NCAM2: variants seen among roughly 807,000 people sequenced by gnomAD.
The protein encoded by NCAM2 is neural cell adhesion molecule 2.
NCAM2 carries 30 observed loss-of-function variants against 98.1 expected under a neutral mutation model. The ratio of observed to expected loss-of-function variants is 0.31; its 90% CI spans 0.23 to 0.41. The LOEUF is 0.41. Among genes scored for constraint, NCAM2 ranks in the 10% least tolerant of loss-of-function variants. The pLI is 1.00. For missense variants in NCAM2, 867 were observed against 1,005.8 expected, an observed-to-expected ratio of 0.86 and a Z score of 1.87; for synonymous variants, 368 against 342.4, an observed-to-expected ratio of 1.07 and a Z score of -0.83.
intron 1 of NCAM2, among the ~76,000 whole-genome samples, chr21:21,035,552 G>T (rs902494277): frequency 2.6e-5 from 4 of 152,026 alleles, no homozygotes; most frequent in African/African-American, 9.7e-5. Context: ...CATTAGTTTA[G>T]TGCTGTGTAA....
intron 4 of NCAM2, 43 bp downstream of exon 4, chr21:21,286,455 A>T: frequency 6.5e-7 from 1 of 1,542,476 alleles, no homozygotes; most frequent in Non-Finnish European, 8.8e-7. Flanking sequence ...TTCTAATACT[A>T]TTGCAGTTTT....
At chr21:21,030,651 G>A (rs1009090651) in intron 1 of NCAM2, among the ~76,000 whole-genome samples, 1 of 152,166 alleles carries the variant, frequency 6.6e-6, no homozygotes, top group Non-Finnish European at 1.5e-5. Context: ...TGCCTATCAC[G>A]ATTATTATAC....
At chr21:21,225,329 A>G (rs988496449) in intron 1 of NCAM2, among the ~76,000 whole-genome samples, 8 of 152,074 alleles carry the variant, frequency 5.3e-5, no homozygotes, top group Non-Finnish European at 1.0e-4. Flanking sequence ...ATGGGTTGAT[A>G]GGTGCAGCAA....
chr21:21,408,852 C>T (rs2076795215), intron 9 of NCAM2, among the ~76,000 whole-genome samples: 2 of 151,782 alleles, frequency 1.3e-5, no homozygotes, highest in Admixed American at 1.3e-4. Context: ...TCATTAAAAA[C>T]ATTCATTAAA....
At chr21:21,254,968 T>C (rs2071613968) in intron 1 of NCAM2, among the ~76,000 whole-genome samples, 2 of 151,910 alleles carry the variant, frequency 1.3e-5, no homozygotes, top group South Asian at 4.1e-4. Context: ...TGTGTGTGTG[T>C]GTGTGTGTGT....
chr21:21,178,131 A>G (rs1347817365), intron 1 of NCAM2, among the ~76,000 whole-genome samples: 1 of 152,176 alleles, frequency 6.6e-6, no homozygotes, highest in Non-Finnish European at 1.5e-5. Context: ...TAGTTACAAA[A>G]TAAAAACAAT....
chr21:21,398,811 A>T (rs1193821706), intron 9 of NCAM2, among the ~76,000 whole-genome samples: 1 of 152,172 alleles, frequency 6.6e-6, no homozygotes, highest in Non-Finnish European at 1.5e-5. Flanking sequence ...GTGAGAAATC[A>T]ATGACAAAGC....
At chr21:21,286,963 G>A (rs996172406) in intron 4 of NCAM2, among the ~76,000 whole-genome samples, 21 of 151,826 alleles carry the variant, frequency 1.4e-4, no homozygotes, top group African/African-American at 3.6e-4. Flanking sequence ...GGGGCAGTAC[G>A]TTCAAGGTTA....
intron 9 of NCAM2, among the ~76,000 whole-genome samples, chr21:21,375,798 C>T (rs2076020702): frequency 6.6e-6 from 1 of 151,020 alleles, no homozygotes; most frequent in South Asian, 2.1e-4. Flanking sequence ...GACCTCCTGG[C>T]CTCTTCCACT....
Position 21,284,353 on chromosome 21 carries a change from A to T in NCAM2, c.290A>T (p.Asp97Val). The T allele has an allele frequency of 1.9e-6, 3 of 1,612,914 alleles. No homozygotes were observed. The highest frequency in any genetic ancestry group is 1.7e-6 in the Non-Finnish European group (2 of 1,179,212). The change falls in exon 3 of 18, where the codon GAT (aspartate) becomes GTT (valine). Residue 97 changes from aspartate to valine, a missense_variant. Transcript: ENST00000400546. ...GGGATATATCGTTGTCAAGCAACAG[A>T]TGCCAAAGGACAAACACAAGAAGCT... is the stretch of plus-strand genomic sequence containing the variant. The part of the protein sequence containing the change: ...DAGIYRCQAT[D>V]AKGQTQEATV...
At chr21:21,041,518 C>T (rs568445922) in intron 1 of NCAM2, among the ~76,000 whole-genome samples, 5 of 152,256 alleles carry the variant, frequency 3.3e-5, no homozygotes, top group South Asian at 2.1e-4. Context: ...ACCATTACCT[C>T]GTATAAGTGC....
At chr21:21,154,333 A>C (rs1295756891) in intron 1 of NCAM2, among the ~76,000 whole-genome samples, 2 of 151,968 alleles carry the variant, frequency 1.3e-5, no homozygotes, top group Admixed American at 6.6e-5. Context: ...TGATATGCAC[A>C]AACCAACTAT....
intron 9 of NCAM2, among the ~76,000 whole-genome samples, chr21:21,390,530 G>A (rs966301008): frequency 6.6e-6 from 1 of 152,040 alleles, no homozygotes; most frequent in African/African-American, 2.4e-5. Context: ...GACATCAAGT[G>A]CATTTCATAG....
At chr21:21,271,422 A>C (rs2072493600) in intron 1 of NCAM2, among the ~76,000 whole-genome samples, 1 of 152,242 alleles carries the variant, frequency 6.6e-6, no homozygotes, top group Non-Finnish European at 1.5e-5. Flanking sequence ...AACTAAAAAC[A>C]AACAGCCTTT....
intron 9 of NCAM2, among the ~76,000 whole-genome samples, chr21:21,382,619 G>A (rs1481340710): frequency 1.3e-5 from 2 of 151,504 alleles, no homozygotes; most frequent in Admixed American, 6.6e-5. Context: ...GGGTTCAAGC[G>A]ATTCTCCTGC....
intron 1 of NCAM2, among the ~76,000 whole-genome samples, chr21:21,045,872 A>G (rs780088347): frequency 2.0e-5 from 3 of 152,146 alleles, no homozygotes; most frequent in Non-Finnish European, 4.4e-5. Context: ...TTTCAAGACT[A>G]TTCTCTCTGA....
At chr21:21,314,577 G>A (rs1050308063) in intron 5 of NCAM2, among the ~76,000 whole-genome samples, 1 of 152,022 alleles carries the variant, frequency 6.6e-6, no homozygotes, top group African/African-American at 2.4e-5. Flanking sequence ...TTTTGTCCTG[G>A]TCGTCTTTCT....
chr21:21,244,571 G>T (rs770630577), intron 1 of NCAM2, among the ~76,000 whole-genome samples: 1 of 151,994 alleles, frequency 6.6e-6, no homozygotes, highest in African/African-American at 2.4e-5. Flanking sequence ...AAAACAGGCC[G>T]AGTGCGGTGG....
At chr21:21,326,974 G>A (rs1283160993) in intron 6 of NCAM2, among the ~76,000 whole-genome samples, 3 of 152,170 alleles carry the variant, frequency 2.0e-5, no homozygotes, top group African/African-American at 7.2e-5. Flanking sequence ...GTTTCATAGA[G>A]ATAATATTTC....
Sources: gnomAD v4.1 joint callset for allele counts (sites outside exome capture counted in the v4.1 genomes callset) on GRCh38, gnomAD v4.1.1 for gene constraint, MANE v1.5 for transcripts, NCBI Gene and HGNC (gene_info 2026-07-23, HGNC 2026-07-21) for gene names.